The following PRSS23 variants were observed in gnomAD, a reference collection of about 807,000 sequenced individuals.
PRSS23 encodes serine protease 23, also known as protease, serine 23.
In PRSS23, 25 loss-of-function variants were observed where a neutral mutation model predicts 34.7. The observed-to-expected ratio is 0.72, with a 90% CI of 0.53 to 1.01. The LOEUF (loss-of-function observed/expected upper bound fraction) is 1.01, where lower values mean the gene tolerates loss of function less well. Ranked by LOEUF, PRSS23 falls within the 50% of genes least tolerant of loss-of-function variation. The pLI is 0.00. For synonymous variants in PRSS23, 176 were observed against 186.6 expected, an observed-to-expected ratio of 0.94 and a Z score of 0.46; for missense variants, 445 against 475.6, an observed-to-expected ratio of 0.94 and a Z score of 0.60.
At chr11:86,922,483 C>CAAATAA (rs72071974) in intron 2 of PRSS23, among the ~76,000 whole-genome samples, 6 of 151,308 alleles carry the variant, frequency 4.0e-5, no homozygotes, top group Admixed American at 3.3e-4. Flanking sequence ...AAAAAATAAA[C>CAAATAA]AAATAAAAAT....
At chr11:86,944,976 A>G (rs1196314206) in intron 2 of PRSS23, among the ~76,000 whole-genome samples, 3 of 152,196 alleles carry the variant, frequency 2.0e-5, no homozygotes, top group Non-Finnish European at 2.9e-5. Context: ...CACATCTGGG[A>G]CATCAGCAGA....
At chr11:86,880,506 T>G (rs990517653) in intron 2 of PRSS23, among the ~76,000 whole-genome samples, 4 of 152,222 alleles carry the variant, frequency 2.6e-5, no homozygotes, top group African/African-American at 9.7e-5. Flanking sequence ...TTTTTAACTT[T>G]AAGTTCCTGG....
chr11:86,794,574 T>C (rs944363951), intron 1 of PRSS23, among the ~76,000 whole-genome samples: 3 of 152,232 alleles, frequency 2.0e-5, no homozygotes, highest in Non-Finnish European at 4.4e-5. Flanking sequence ...TAATTTTGTA[T>C]GTTAAGCTTT....
intron 2 of PRSS23, among the ~76,000 whole-genome samples, chr11:86,853,270 TTTTTA>T: frequency 8.1e-6 from 1 of 123,316 alleles, no homozygotes; most frequent in African/African-American, 3.3e-5. Flanking sequence ...TTTTTTTTTT[TTTTTA>T]ATGGAGTCTC....
chr11:86,803,529 A>G (rs1328460819), intron 1 of PRSS23, among the ~76,000 whole-genome samples: 1 of 152,208 alleles, frequency 6.6e-6, no homozygotes, highest in Non-Finnish European at 1.5e-5. Flanking sequence ...AAATGAATGT[A>G]AATCCACCAA....
intron 1 of PRSS23, among the ~76,000 whole-genome samples, chr11:86,802,851 C>T (rs1948056281): frequency 6.6e-6 from 1 of 152,138 alleles, no homozygotes; most frequent in Non-Finnish European, 1.5e-5. Context: ...TTGTTGTTTG[C>T]ATATCTGTTA....
intron 2 of PRSS23, among the ~76,000 whole-genome samples, chr11:86,887,587 C>A (rs559798883): frequency 6.6e-6 from 1 of 152,216 alleles, no homozygotes; most frequent in African/African-American, 2.4e-5. Flanking sequence ...AGTCCTGATG[C>A]CCACTGTGAA....
intron 2 of PRSS23, among the ~76,000 whole-genome samples, chr11:86,892,882 A>G (rs1948850756): frequency 6.6e-6 from 1 of 152,208 alleles, no homozygotes; most frequent in Non-Finnish European, 1.5e-5. Flanking sequence ...CACCGTGATC[A>G]AGAATTTACA....
chr11:86,792,541 A>G (rs977133043), intron 1 of PRSS23, among the ~76,000 whole-genome samples: 1 of 152,214 alleles, frequency 6.6e-6, no homozygotes, highest in African/African-American at 2.4e-5. Flanking sequence ...TAACACACCC[A>G]GCCAAAAAAG....
exon 2 of PRSS23, chr11:86,823,398 T>G: frequency 2.8e-6 from 2 of 702,382 alleles, no homozygotes; most frequent in Non-Finnish European, 5.2e-6. Context: ...ATGAGTAGAA[T>G]GAGACCTGTG....
chr11:86,812,167 G>T (rs1315718649), downstream of PRSS23, among the ~76,000 whole-genome samples: 1 of 152,170 alleles, frequency 6.6e-6, no homozygotes, highest in Non-Finnish European at 1.5e-5. Context: ...AAGCATGTTT[G>T]GTCACTTAAT....
At chr11:86,928,675 A>C (rs1234637209) in intron 2 of PRSS23, among the ~76,000 whole-genome samples, 1 of 38,430 alleles carries the variant, frequency 2.6e-5, no homozygotes, top group Non-Finnish European at 6.6e-5. Context: ...ACTCTGTCTC[A>C]AAAAAAAAAA....
At chr11:86,914,277 T>G (rs1948998829) in intron 2 of PRSS23, among the ~76,000 whole-genome samples, 1 of 152,114 alleles carries the variant, frequency 6.6e-6, no homozygotes, top group African/African-American at 2.4e-5. Context: ...GTGTTACTGA[T>G]TAATAACATT....
At chr11:86,835,178 A>G (rs974685327) in intron 2 of PRSS23, among the ~76,000 whole-genome samples, 1 of 152,254 alleles carries the variant, frequency 6.6e-6, no homozygotes, top group Non-Finnish European at 1.5e-5. Context: ...TCTGACAGCC[A>G]CAAGTCTCCT....
Position 86,807,999 on chromosome 11 carries a change from G to T in PRSS23, c.356G>T (p.Gly119Val), listed in dbSNP as rs1948125077. Residue 119 changes from glycine to valine, a missense_variant, in exon 2 of 2, where the codon GGG (glycine) becomes GTG (valine). Transcript: ENST00000280258. ...GATGGGGCCCAACACCGAGACTCAG[G>T]GTCTTCAGGAAAGTCTCGAAGGAAG... is the stretch of plus-strand genomic sequence containing the variant. ...SGDGAQHRDS[G>V]SSGKSRRKRQ... 1 of 1,613,874 alleles carries T rather than the reference G, an allele frequency of 6.2e-7. No individual in the cohort carries two copies. The highest frequency in any genetic ancestry group is 1.7e-5 in the Admixed American group (1 of 59,986).
Position 86,808,561 on chromosome 11 carries a change from C to T in PRSS23, c.918C>T (p.Tyr306=), listed in dbSNP as rs138223208. Reference sequence around the variant, plus strand: ...AAGACGAGACCTATGACTTGCTCTACCAGCAATGCGATGCCCAGCCAGGGG... The same window carrying T: ...AAGACGAGACCTATGACTTGCTCTATCAGCAATGCGATGCCCAGCCAGGGG... The part of the protein sequence containing the change: ...DVKDETYDLL[Y]QQCDAQPGAS... The change falls in exon 2 of 2, where the codon TAC becomes TAT. Residue 306 remains tyrosine (Y), a synonymous_variant. Transcript: ENST00000280258. The T allele has an allele frequency of 3.5e-4, 561 of 1,614,186 alleles. No individual in the cohort carries two copies. The highest frequency in any genetic ancestry group is 4.1e-4 in the Non-Finnish European group (478 of 1,180,034).
At chr11:86,854,756 G>A (rs1565366934) in intron 2 of PRSS23, among the ~76,000 whole-genome samples, 1 of 152,198 alleles carries the variant, frequency 6.6e-6, no homozygotes, top group Non-Finnish European at 1.5e-5. Flanking sequence ...AACACGATTT[G>A]TTGAAAAGTA....
intron 2 of PRSS23, among the ~76,000 whole-genome samples, chr11:86,836,025 C>T (rs1465881824): frequency 1.3e-5 from 2 of 152,030 alleles, no homozygotes; most frequent in African/African-American, 4.8e-5. Context: ...CAAAGGCAAA[C>T]AAGAATTGAG....
chr11:86,832,086 C>A (rs143260015), intron 2 of PRSS23, among the ~76,000 whole-genome samples: 1 of 152,028 alleles, frequency 6.6e-6, no homozygotes, highest in Non-Finnish European at 1.5e-5. Context: ...TGTATGTACA[C>A]CCCCTGTGAT....
Sources: gnomAD v4.1 joint callset for allele counts (sites outside exome capture counted in the v4.1 genomes callset) on GRCh38, gnomAD v4.1.1 for gene constraint, MANE v1.5 for transcripts, NCBI Gene and HGNC (gene_info 2026-07-23, HGNC 2026-07-21) for gene names.